The following CDH9 variants were observed in gnomAD, a reference collection of about 807,000 sequenced individuals.
CDH9 encodes the protein cadherin 9.
CDH9 carries 28 observed loss-of-function variants against 70.9 expected under a neutral mutation model. That is an observed-to-expected ratio of 0.40 (90% confidence interval 0.29 to 0.54). The LOEUF (loss-of-function observed/expected upper bound fraction) is 0.54. Ranked by LOEUF, CDH9 falls within the 20% of genes least tolerant of loss-of-function variation. CDH9 has a pLI of 0.59. For synonymous variants in CDH9, 409 were observed against 343.1 expected, an observed-to-expected ratio of 1.19 and a Z score of -2.12; for missense variants, 874 against 984.4, an observed-to-expected ratio of 0.89 and a Z score of 1.50.
At chr5:26,936,861 A>ATG (rs770582107) in intron 2 of CDH9, among the ~76,000 whole-genome samples, 167 of 115,140 alleles carry the variant, frequency 1.5e-3, no homozygotes, top group African/African-American at 3.5e-3. Flanking sequence ...ACACACACAC[A>ATG]CGCACACACA....
At chr5:26,888,877 A>C (rs2111971216) in intron 9 of CDH9, among the ~76,000 whole-genome samples, 1 of 152,234 alleles carries the variant, frequency 6.6e-6, no homozygotes, top group South Asian at 2.1e-4. Flanking sequence ...AGAGAGCATG[A>C]GCTCTCTGTT....
At chr5:26,994,249 A>C (rs2112098119) in intron 1 of CDH9, among the ~76,000 whole-genome samples, 1 of 152,304 alleles carries the variant, frequency 6.6e-6, no homozygotes, top group South Asian at 2.1e-4. Context: ...TGTTGGAATA[A>C]GTATAGACTT....
chr5:27,021,177 G>A (rs1488668719), intron 1 of CDH9, among the ~76,000 whole-genome samples: 1 of 151,876 alleles, frequency 6.6e-6, no homozygotes, highest in Non-Finnish European at 1.5e-5. Context: ...ATCCAAAAGA[G>A]GGAGCTAAAG....
intron 5 of CDH9, among the ~76,000 whole-genome samples, chr5:26,905,657 T>C (rs1177228054): frequency 6.6e-6 from 1 of 152,054 alleles, no homozygotes; most frequent in Non-Finnish European, 1.5e-5. Context: ...CAGTGAATGA[T>C]GAGAAAGGAA....
chr5:26,984,856 A>G (rs1443917694), intron 2 of CDH9, among the ~76,000 whole-genome samples: 1 of 152,132 alleles, frequency 6.6e-6, no homozygotes, highest in Non-Finnish European at 1.5e-5. Context: ...CAAATTTCAA[A>G]TTGCATTATT....
intron 6 of CDH9, 117 bp from the exon 7 acceptor site, chr5:26,902,846 C>A (rs1740881007): frequency 6.5e-6 from 4 of 613,956 alleles, no homozygotes; most frequent in African/African-American, 5.6e-5. Context: ...ATTTAAATGA[C>A]AATGATTGCT....
At chr5:26,950,288 G>A (rs1470838109) in intron 2 of CDH9, among the ~76,000 whole-genome samples, 1 of 152,136 alleles carries the variant, frequency 6.6e-6, no homozygotes, top group Non-Finnish European at 1.5e-5. Flanking sequence ...ATGTCCTTTG[G>A]TCAGTATCTC....
At chr5:26,978,361 C>A (rs1742339867) in intron 2 of CDH9, among the ~76,000 whole-genome samples, 1 of 151,428 alleles carries the variant, frequency 6.6e-6, no homozygotes, top group African/African-American at 2.4e-5. Context: ...ATAAAGGAAA[C>A]CCAGAACTGA....
intron 3 of CDH9, among the ~76,000 whole-genome samples, chr5:26,907,441 T>C (rs1740969757): frequency 6.6e-6 from 1 of 152,120 alleles, no homozygotes; most frequent in Non-Finnish European, 1.5e-5. Flanking sequence ...TGATTACCTC[T>C]ATTGATATGC....
At chr5:26,900,223 A>T (rs899879487) in intron 7 of CDH9, among the ~76,000 whole-genome samples, 1 of 152,128 alleles carries the variant, frequency 6.6e-6, no homozygotes, top group Admixed American at 6.6e-5. Flanking sequence ...AAGCAAAATT[A>T]CAGCCCCAAA....
rs977700288 is a variant in CDH9, at chr5:26,881,577, T to C, written c.1929A>G (p.Glu643=). ...CATCGTCTTTTGAAATTATCAGAGG[T>C]TCCTTTTTTCTTTGCCTCTTCAATG... The part of the protein sequence containing the change: ...FAALKRQRKK[E]PLIISKDDVR... The change falls in exon 12 of 12, where the codon GAA becomes GAG. Residue 643 remains glutamate, a synonymous_variant. Transcript: ENST00000231021. 43 of 1,612,302 alleles carry C rather than the reference T, an allele frequency of 2.7e-5. No individual in the cohort carries two copies. Among genetic ancestry groups the C allele is most frequent in the Non-Finnish European group, 3.5e-5 (41 of 1,179,422 alleles).
In CDH9 at chr5:26,907,389, G is replaced by C. The variant is rs376261623; in HGVS notation, c.524-551C>G. On this transcript the variant is annotated intron_variant, in intron 3 of 11. Transcript: ENST00000231021. ...TTCCCAAGATATACCTAATTATGAA[G>C]GGCCTATGCCTCTCTTTTAAATATA... Among the ~76,000 whole-genome samples, 14 of 152,080 alleles carry C rather than the reference G, an allele frequency of 9.2e-5. No homozygotes were observed. The East Asian group carries it at 1.2e-3, about 13-fold the overall frequency.
At chr5:26,881,674 T>C (rs986528350) in intron 11 of CDH9, 51 bp from the exon 12 acceptor site, 1 of 1,505,670 alleles carries the variant, frequency 6.6e-7, no homozygotes, top group Non-Finnish European at 8.9e-7. Context: ...CAGGATAAAA[T>C]AGAGTACACT....
rs761070646 is a variant in CDH9, at chr5:26,890,456, A to G, written c.1362T>C (p.His454=). ...TTTCTGTGGCTGTAACAGTGATGTTATGCCAAGGAGATGATTCCCGGTCAA... is the reference window on the plus strand; with the variant it reads ...TTTCTGTGGCTGTAACAGTGATGTTGTGCCAAGGAGATGATTCCCGGTCAA... ...KALDRESSPW[H]NITVTATEIN... is the part of the protein sequence containing the mutation. The change falls in exon 8 of 12, where the codon CAT becomes CAC. Residue 454 remains histidine (H), a synonymous_variant. Transcript: ENST00000231021. The G allele has an allele frequency of 6.2e-7, 1 of 1,613,594 alleles. No homozygotes were observed. The highest frequency in any genetic ancestry group is 1.7e-5 in the Admixed American group (1 of 60,008).
intron 2 of CDH9, among the ~76,000 whole-genome samples, chr5:26,986,166 A>T (rs756937171): frequency 6.6e-6 from 1 of 152,104 alleles, no homozygotes; most frequent in Non-Finnish European, 1.5e-5. Context: ...AAACATAGAA[A>T]TAGTTGACAG....
intron 1 of CDH9, among the ~76,000 whole-genome samples, chr5:27,035,702 GTGTGTGT>G (rs1561048650): frequency 3.8e-5 from 5 of 133,154 alleles, no homozygotes; most frequent in Non-Finnish European, 6.8e-5. Flanking sequence ...GTGTGTGTGT[GTGTGTGT>G]GGGTGTGTGT....
At chr5:26,990,362 A>G (rs1161690786) in intron 1 of CDH9, among the ~76,000 whole-genome samples, 1 of 152,156 alleles carries the variant, frequency 6.6e-6, no homozygotes, top group Non-Finnish European at 1.5e-5. Context: ...TTAGCTCTTA[A>G]TGCAAACATA....
chr5:26,980,922 C>T (rs944032595), intron 2 of CDH9, among the ~76,000 whole-genome samples: 3 of 151,964 alleles, frequency 2.0e-5, no homozygotes, highest in Non-Finnish European at 4.4e-5. Context: ...GATAGTGTTC[C>T]ACACTGTAGG....
Position 26,923,543 on chromosome 5 carries a change from T to C in CDH9, c.229-7619A>G, listed in dbSNP as rs116335322. Among the ~76,000 whole-genome samples, 690 of 152,062 alleles carry C rather than the reference T, an allele frequency of 4.5e-3. 8 individuals carry two copies. The highest frequency in any genetic ancestry group is 6.7e-3 in the Non-Finnish European group (452 of 67,876). ...AGACAAAAAAATCAACAAAGAAACA[T>C]TGGAACTTAATCTGTACTGTAAACC... On this transcript the variant is annotated intron_variant, in intron 2 of 11. Coordinates refer to ENST00000231021, the MANE Select transcript of CDH9 (RefSeq NM_016279.4).
Sources: allele counts gnomAD v4.1 joint callset (sites outside exome capture counted in the v4.1 genomes callset), GRCh38; gene constraint gnomAD v4.1.1; transcripts MANE v1.5; gene names NCBI Gene and HGNC (gene_info 2026-07-23, HGNC 2026-07-21).